The following RGS3 variants were observed in gnomAD, a reference collection of about 807,000 sequenced individuals.
The protein encoded by RGS3 is regulator of G-protein signalling 3.
Under a neutral mutation model 132.6 loss-of-function variants are expected in RGS3, and 80 were observed. That is an observed-to-expected ratio of 0.60 (90% CI 0.50 to 0.73). The LOEUF is 0.73. Ranked by LOEUF, RGS3 falls within the 30% of genes least tolerant of loss-of-function variation. The probability of loss-of-function intolerance (pLI) is 0.00; values close to 1 mark genes in which losing one functional copy is unlikely to be tolerated. For missense variants in RGS3, 1,382 were observed against 1,530.8 expected (o/e 0.90, Z 1.62); for synonymous variants, 598 against 620.6 (o/e 0.96, Z 0.54).
intron 19 of RGS3, among the ~76,000 whole-genome samples, chr9:113,574,988 G>T (rs1222877327): frequency 1.3e-5 from 2 of 152,220 alleles, no homozygotes; most frequent in East Asian, 3.8e-4. Context: ...TGGGGTGGTG[G>T]GTGGGGACAA....
intron 1 of RGS3, among the ~76,000 whole-genome samples, chr9:113,445,777 C>A (rs1445837267): frequency 6.6e-6 from 1 of 152,196 alleles, no homozygotes; most frequent in East Asian, 1.9e-4. Flanking sequence ...CGCCTGGGTT[C>A]AAGCGATTCT....
rs147105979 is a variant in RGS3, at chr9:113,587,518, C to A, written c.3015+3091C>A. Among the ~76,000 whole-genome samples the A allele has an allele frequency of 6.6e-5, 10 of 152,290 alleles. No homozygotes were observed. The East Asian group carries it at 1.9e-3, about 29-fold the overall frequency. ...TTCTCTTATTAATGGAACACGGAGT[C>A]CCCCGGGAGTTGTCCCAAGGGTTCC... On this transcript the variant is annotated intron_variant, in intron 20 of 24. Coordinates refer to ENST00000350696, the Ensembl canonical transcript of RGS3.
chr9:113,497,024 A>C (rs1187176100), intron 8 of RGS3, among the ~76,000 whole-genome samples: 3 of 152,196 alleles, frequency 2.0e-5, no homozygotes, highest in Non-Finnish European at 2.9e-5. Flanking sequence ...AGTGTGAGGC[A>C]CATCAAAGAG....
intron 18 of RGS3, among the ~76,000 whole-genome samples, chr9:113,534,678 C>T (rs1832609473): frequency 6.7e-6 from 1 of 148,588 alleles, no homozygotes. Flanking sequence ...GTGGCACAAT[C>T]ATTGCTTACT....
At chr9:113,472,029 A>G (rs927131626) in intron 3 of RGS3, among the ~76,000 whole-genome samples, 3 of 152,224 alleles carry the variant, frequency 2.0e-5, no homozygotes, top group East Asian at 1.9e-4. Context: ...AAAATGCTCA[A>G]TGTCATTAGT....
intron 19 of RGS3, chr9:113,564,901 G>A (rs1833926597): frequency 1.3e-5 from 13 of 991,846 alleles, no homozygotes; most frequent in South Asian, 8.8e-5. Context: ...CAGGAACAGC[G>A]TCGGGGTGGG....
chr9:113,552,458 A>G (rs1250832380), intron 19 of RGS3, among the ~76,000 whole-genome samples: 2 of 152,178 alleles, frequency 1.3e-5, no homozygotes, highest in Non-Finnish European at 2.9e-5. Context: ...CTGGGACTAC[A>G]GGTGCCCACC....
rs756349447 is a variant in RGS3 at position 113,495,772 on chromosome 9, A to G, written c.690-14A>G. The G allele has an allele frequency of 2.5e-6, 4 of 1,613,594 alleles. No individual in the cohort carries two copies. In the South Asian group the frequency reaches 4.4e-5, roughly 18 times the overall value. On this transcript the variant is annotated splice_polypyrimidine_tract_variant and intron_variant, in intron 7 of 24. Transcript: ENST00000350696. ...GAAAAAAAATGCTGACTCAAGTCTC[A>G]CTTGTTCTCCCAGACAGAGTGGACT... is the stretch of plus-strand genomic sequence containing the variant.
rs1162792029 is a variant in RGS3, at chr9:113,507,630, G to C, written c.1429G>C (p.Gly477Arg). 1.6e-5 allele frequency: 23 copies of C among 1,466,878 alleles called. No individual in the cohort carries two copies. The highest frequency in any genetic ancestry group is 2.0e-5 in the Non-Finnish European group (22 of 1,104,834). The allele number at this position is 1,466,878 out of a possible 1,614,324, so 90.9% of individuals were successfully genotyped here. ...CATCATCCTGGCCCCGCTGAATCCT[G>C]GGAGCCAGGTACGGACAGCTGGTGT... Residue 477 changes from glycine to arginine, a missense_variant, in exon 13 of 25, where the codon GGG becomes CGG. Physicochemically the swap from Gly to Arg is moderately radical, Grantham distance 125 (BLOSUM62 -2). Transcript: ENST00000350696. This position sits in a 1 kb window ranked among gnomAD's most constrained non-coding sequence, Gnocchi z 5.0.
At chr9:113,513,893 CAG>C (rs1240100593) in intron 14 of RGS3, among the ~76,000 whole-genome samples, 2 of 152,188 alleles carry the variant, frequency 1.3e-5, no homozygotes, top group South Asian at 2.1e-4. Flanking sequence ...GCCACTGCTG[CAG>C]AGAGTGGATT....
At chr9:113,509,416 A>C (rs750704918) in intron 14 of RGS3, among the ~76,000 whole-genome samples, 3 of 152,104 alleles carry the variant, frequency 2.0e-5, no homozygotes, top group African/African-American at 4.8e-5. Context: ...TTGCCTGTAT[A>C]CTGAGAGAGG....
rs1309175444 is a variant in RGS3 at position 113,513,028 on chromosome 9, C to T, written c.1478-1430C>T. On this transcript the variant is annotated intron_variant, in intron 14 of 24. Coordinates refer to ENST00000350696, the Ensembl canonical transcript of RGS3. ...CCTGACCAACATGGAGAAACTGTGT[C>T]TCTACTAAAAATACAAAATTAGCCG... is the stretch of plus-strand genomic sequence containing the variant. Among the ~76,000 whole-genome samples the T allele has an allele frequency of 2.0e-5, 3 of 151,988 alleles. 1 individual carries two copies. In the East Asian group the frequency reaches 5.8e-4, roughly 29 times the overall value.
At position 113,507,081 on chromosome 9, in the gene RGS3, C is replaced by G. The variant is rs957082730; in HGVS notation, c.1086-206C>G. Among the ~76,000 whole-genome samples the G allele has an allele frequency of 1.3e-5, 2 of 152,190 alleles. No homozygotes were observed. The highest frequency in any genetic ancestry group is 1.3e-4 in the Admixed American group (2 of 15,278). ...CTCAGGGTCCTTCTCAACCACTGCC[C>G]GTCAATAGGAATTGACCTAGGTGAC... On this transcript the variant is annotated intron_variant, in intron 12 of 24. Transcript: ENST00000350696. This position sits in a 1 kb window ranked among gnomAD's most constrained non-coding sequence, Gnocchi z 5.0.
exon 3 of RGS3, chr9:113,462,115 C>G: frequency 6.2e-7 from 1 of 1,614,186 alleles, no homozygotes; most frequent in East Asian, 2.2e-5. Flanking sequence ...TGGCTAAGCC[C>G]TGATATCGCT....
chr9:113,557,737 G>A (rs1004802292), intron 19 of RGS3, among the ~76,000 whole-genome samples: 1 of 152,142 alleles, frequency 6.6e-6, no homozygotes, highest in Non-Finnish European at 1.5e-5. Flanking sequence ...GTGCCAAAGG[G>A]CCTAATGAGA....
chr9:113,551,993 G>A lies in RGS3; in HGVS notation c.2037+15075G>A, dbSNP rs562357884. 6.6e-5 allele frequency among the ~76,000 whole-genome samples: 10 copies of A among 152,230 alleles called. No homozygotes were observed. In the South Asian group the frequency reaches 2.1e-3, roughly 32 times the overall value. On this transcript the variant is annotated intron_variant, in intron 19 of 24. Coordinates refer to ENST00000350696, the Ensembl canonical transcript of RGS3. Reference sequence around the variant, plus strand: ...TTTAAAAAATTATAGCCATTCTAGTGGGAGTGAAGTAGTATCTCATTATGG... The same window carrying A: ...TTTAAAAAATTATAGCCATTCTAGTAGGAGTGAAGTAGTATCTCATTATGG...
exon 24 of RGS3, chr9:113,595,688 G>C: frequency 6.2e-7 from 1 of 1,614,184 alleles, no homozygotes; most frequent in South Asian, 1.1e-5. Flanking sequence ...CTTCAAGAAG[G>C]TCAAGTCACA....
intron 10 of RGS3, chr9:113,501,461 C>G (rs1830887390): frequency 1.3e-6 from 2 of 1,500,028 alleles, no homozygotes; most frequent in Non-Finnish European, 1.8e-6. Context: ...TGCCATTCTT[C>G]TGTGGGGCGG....
At chr9:113,544,121 A>C (rs1162611743) in intron 19 of RGS3, among the ~76,000 whole-genome samples, 3 of 152,158 alleles carry the variant, frequency 2.0e-5, no homozygotes, top group Non-Finnish European at 4.4e-5. Flanking sequence ...TCATGCTAAG[A>C]AGCACACAAT....
Sources: gnomAD v4.1 joint callset for allele counts (sites outside exome capture counted in the v4.1 genomes callset) on GRCh38, gnomAD v4.1.1 for gene constraint, Gnocchi (gnomAD v3.1) non-coding constraint, MANE v1.5 for transcripts, NCBI Gene and HGNC (gene_info 2026-07-23, HGNC 2026-07-21) for gene names.